Variants in GCSAML observed in about 807,000 individuals in gnomAD.
GCSAML encodes germinal center associated signaling and motility like, also known as germinal center-associated signaling and motility-like protein.
In GCSAML, 9 loss-of-function variants were observed where a neutral mutation model predicts 13.0. That is an observed-to-expected ratio of 0.69 (90% confidence interval 0.42 to 1.21). The LOEUF is 1.21. Among genes scored for constraint, GCSAML ranks in the 50% most tolerant of loss-of-function variants. The probability of loss-of-function intolerance (pLI) is 0.00; values close to 1 mark genes in which losing one functional copy is unlikely to be tolerated. For synonymous variants in GCSAML, 37 were observed against 52.9 expected (o/e 0.70, Z 1.31); for missense variants, 143 against 153.4 (o/e 0.93, Z 0.36).
At chr1:247,532,111 G>T (rs138735337) in intron 2 of GCSAML, 1 of 1,613,976 alleles carries the variant, frequency 6.2e-7, no homozygotes, top group Non-Finnish European at 8.5e-7. Flanking sequence ...CATAATGACA[G>T]TGTAATGGAG....
intron 4 of GCSAML, among the ~76,000 whole-genome samples, chr1:247,571,027 GCT>G (rs1340810045): frequency 6.6e-6 from 1 of 151,830 alleles, no homozygotes; most frequent in Non-Finnish European, 1.5e-5. Flanking sequence ...TGCACCACCT[GCT>G]CTTTTTTGCT....
At chr1:247,524,927 C>T (rs548924109) in intron 1 of GCSAML, 5 of 152,082 alleles carry the variant, frequency 3.3e-5, no homozygotes, top group Admixed American at 3.3e-4. Flanking sequence ...CAAAACATAC[C>T]AGAAGATGTT....
intron 1 of GCSAML, among the ~76,000 whole-genome samples, chr1:247,550,174 G>A (rs1410691883): frequency 2.6e-5 from 4 of 152,222 alleles, no homozygotes; most frequent in African/African-American, 7.2e-5. Context: ...CTGGAATGGG[G>A]GCTTATGACC....
chr1:247,519,722 G>C (rs1188710784), intron 1 of GCSAML, among the ~76,000 whole-genome samples: 1 of 152,214 alleles, frequency 6.6e-6, no homozygotes, highest in Admixed American at 6.5e-5. Context: ...TTCTTACACC[G>C]ATATAAAAGT....
chr1:247,561,660 T>G (rs994476910), intron 2 of GCSAML, among the ~76,000 whole-genome samples: 17 of 152,228 alleles, frequency 1.1e-4, no homozygotes, highest in African/African-American at 4.1e-4. Context: ...TAATAACTAT[T>G]AACAATAATA....
Position 247,562,061 on chromosome 1 carries a change from G to T in GCSAML, c.90-1529G>T, listed in dbSNP as rs1304985312. Among the ~76,000 whole-genome samples the T allele has an allele frequency of 3.3e-5, 5 of 152,130 alleles. No individual in the cohort carries two copies. In the South Asian group the frequency reaches 1.0e-3, roughly 32 times the overall value. On this transcript the variant is annotated intron_variant, in intron 2 of 4. Transcript: ENST00000366488. ...AAATTTCAGGAAAGCAGAATTTACA[G>T]GCAAAATTGTAAATAAATACATGGA...
chr1:247,548,938 G>A (rs546499695), upstream of GCSAML: 149 of 720,850 alleles, frequency 2.1e-4, no homozygotes, highest in African/African-American at 2.0e-3. The surrounding 1 kb of genome is among the most constrained non-coding windows in gnomAD (Gnocchi z 5.3). Flanking sequence ...ATGCCCACGC[G>A]TGTGTGTATG....
chr1:247,516,889 A>G (rs886502141), intron 1 of GCSAML, among the ~76,000 whole-genome samples: 6 of 152,206 alleles, frequency 3.9e-5, no homozygotes, highest in Non-Finnish European at 8.8e-5. Context: ...GGCGAGATCT[A>G]TGTTCCCAGC....
At chr1:247,556,277 TGAAG>T (rs1667942754) in intron 1 of GCSAML, 126 bp from the exon 2 acceptor site, 1 of 658,818 alleles carries the variant, frequency 1.5e-6, no homozygotes, top group East Asian at 2.6e-5. Context: ...TTATTGATTT[TGAAG>T]GAAAGGGAAG....
intron 1 of GCSAML, among the ~76,000 whole-genome samples, chr1:247,522,612 A>C (rs10157017): frequency 0.99 from 150,667 of 152,168 alleles, 74,604 homozygotes; most frequent in East Asian, 1. Context: ...TATGACCTTA[A>C]CCCCAACCCC....
intron 3 of GCSAML, among the ~76,000 whole-genome samples, chr1:247,564,149 G>C (rs954439440): frequency 1.3e-5 from 2 of 152,188 alleles, no homozygotes; most frequent in East Asian, 3.9e-4. Flanking sequence ...GGCCAGGCTG[G>C]TTTCAAACTC....
intron 1 of GCSAML, among the ~76,000 whole-genome samples, chr1:247,552,737 T>C (rs1239544907): frequency 1.3e-5 from 2 of 152,226 alleles, no homozygotes; most frequent in Non-Finnish European, 2.9e-5. Context: ...CAAATTCTTC[T>C]ATGTTTATGC....
chr1:247,528,419 G>T (rs984330927), intron 2 of GCSAML: 4 of 152,136 alleles, frequency 2.6e-5, no homozygotes, highest in African/African-American at 9.7e-5. Context: ...CAACATGCAT[G>T]AACCTAGAAG....
rs138204119 is a variant in GCSAML at position 247,564,292 on chromosome 1, A to G, written c.139+653A>G. 8.6e-3 allele frequency among the ~76,000 whole-genome samples: 1,312 copies of G among 151,920 alleles called. 20 individuals carry two copies. The highest frequency in any genetic ancestry group is 0.03 in the African/African-American group (1,257 of 41,420). Reference sequence around the variant, plus strand: ...AAAGAAGCTGGTGGTGCACTCCTGTAGTCCCAGCTACTTGGGAGGCTGAAG... The same window carrying G: ...AAAGAAGCTGGTGGTGCACTCCTGTGGTCCCAGCTACTTGGGAGGCTGAAG... On this transcript the variant is annotated intron_variant, in intron 3 of 4. Transcript: ENST00000366488.
chr1:247,552,659 T>C (rs895445190), intron 1 of GCSAML, among the ~76,000 whole-genome samples: 1 of 152,262 alleles, frequency 6.6e-6, no homozygotes, highest in Non-Finnish European at 1.5e-5. Flanking sequence ...TCTGAATTTG[T>C]GTATTATATA....
At chr1:247,540,068 GTCTCTC>G (rs145570712) in intron 2 of GCSAML, among the ~76,000 whole-genome samples, 1 of 151,310 alleles carries the variant, frequency 6.6e-6, no homozygotes, top group Admixed American at 6.6e-5. Flanking sequence ...GCCTAGAATA[GTCTCTC>G]TCTCTCTCTC....
chr1:247,531,925 T>C lies in GCSAML; in HGVS notation c.-148+4871T>C. 6.2e-7 allele frequency: 1 copy of C among 1,614,122 alleles called. No homozygotes were observed. The highest frequency in any genetic ancestry group is 8.5e-7 in the Non-Finnish European group (1 of 1,180,006). ...GCTGGCCAGGTACATCTCCATCTCA[T>C]TGAGGCTGGTATCCACACAAGCCAG... On this transcript the variant is annotated intron_variant, in intron 2 of 5. Transcript: ENST00000366489.
At chr1:247,571,427 T>G (rs879432617) in intron 4 of GCSAML, among the ~76,000 whole-genome samples, 6 of 152,224 alleles carry the variant, frequency 3.9e-5, no homozygotes, top group Non-Finnish European at 7.3e-5. Flanking sequence ...TTTCCTTCTC[T>G]GTAAAGGATT....
intron 2 of GCSAML, among the ~76,000 whole-genome samples, chr1:247,561,666 TAATA>T: frequency 6.6e-6 from 1 of 152,334 alleles, no homozygotes; most frequent in African/African-American, 2.4e-5. Context: ...CTATTAACAA[TAATA>T]AACATGTTAT....
Sources: gnomAD v4.1 joint callset for allele counts (sites outside exome capture counted in the v4.1 genomes callset) on GRCh38, gnomAD v4.1.1 for gene constraint, Gnocchi (gnomAD v3.1) non-coding constraint, MANE v1.5 for transcripts, NCBI Gene and HGNC (gene_info 2026-07-23, HGNC 2026-07-21) for gene names.